Variants in ANKS1B observed in about 807,000 individuals in gnomAD.
ANKS1B encodes the protein ankyrin repeat and sterile alpha motif domain containing 1B.
Under a neutral mutation model 148.3 loss-of-function variants are expected in ANKS1B, and 36 were observed. That is an observed-to-expected ratio of 0.24 (90% CI 0.19 to 0.32). The LOEUF (loss-of-function observed/expected upper bound fraction) is 0.32. ANKS1B is among the 10% of genes least tolerant of loss of function. The pLI is 1.00. For missense variants in ANKS1B, 1,157 were observed against 1,542.6 expected (o/e 0.75, Z 4.19); for synonymous variants, 542 against 560.8 (o/e 0.97, Z 0.47).
intron 12 of ANKS1B, among the ~76,000 whole-genome samples, chr12:99,369,788 A>AGATAGATAGATAGATAGATG (rs770146685): frequency 2.9e-5 from 3 of 103,834 alleles, no homozygotes; most frequent in African/African-American, 1.3e-4. Context: ...ATAGATAGAT[A>AGATAGATAGATAGATAGATG]GATGGACGGA....
At chr12:98,879,090 T>G (rs2099699666) in intron 17 of ANKS1B, among the ~76,000 whole-genome samples, 1 of 152,354 alleles carries the variant, frequency 6.6e-6, no homozygotes, top group Non-Finnish European at 1.5e-5. Context: ...AAGTTCTTGT[T>G]GTTAAACTTA....
chr12:99,767,157 C>T (rs1318048332), intron 8 of ANKS1B, among the ~76,000 whole-genome samples: 1 of 151,536 alleles, frequency 6.6e-6, no homozygotes, highest in Admixed American at 6.6e-5. Flanking sequence ...AAATAAAATA[C>T]CTCACACTTC....
At chr12:99,145,843 G>T (rs557644354) in intron 15 of ANKS1B, among the ~76,000 whole-genome samples, 1 of 152,080 alleles carries the variant, frequency 6.6e-6, no homozygotes, top group African/African-American at 2.4e-5. Context: ...GGCTCTGCTG[G>T]CAATTTTTTT....
In ANKS1B at chr12:98,801,333, G is replaced by T. The variant is rs566857330; in HGVS notation, c.3142-208C>A. On this transcript the variant is annotated intron_variant, in intron 20 of 26. Coordinates refer to ENST00000683438, the MANE Select transcript of ANKS1B (RefSeq NM_001352186.2). The surrounding 1 kb of genome is among the most constrained non-coding windows in gnomAD (Gnocchi z 5.2). ...GAGTTAATTTTTGAGGTGTGGAGTT[G>T]AATTATTCTATTTTTAGAATGACAT... 1.8e-4 allele frequency among the ~76,000 whole-genome samples: 27 copies of T among 152,250 alleles called. 1 individual carries two copies. In the Middle Eastern group the frequency reaches 0.014, roughly 77 times the overall value.
intron 1 of ANKS1B, among the ~76,000 whole-genome samples, chr12:99,923,091 T>C (rs1216257558): frequency 6.6e-6 from 1 of 152,170 alleles, no homozygotes; most frequent in Admixed American, 6.6e-5. Flanking sequence ...CAAAGAAGCA[T>C]GAAACTGCAT....
At chr12:98,989,262 A>G (rs1432791765) in intron 17 of ANKS1B, among the ~76,000 whole-genome samples, 1 of 152,142 alleles carries the variant, frequency 6.6e-6, no homozygotes, top group African/African-American at 2.4e-5. Context: ...TATGGCTTTC[A>G]TCCATTTTGA....
intron 12 of ANKS1B, among the ~76,000 whole-genome samples, chr12:99,288,362 C>G (rs1247919440): frequency 6.6e-6 from 1 of 151,978 alleles, no homozygotes; most frequent in Non-Finnish European, 1.5e-5. Context: ...CCCAGGCAAA[C>G]AAAAGGTGAA....
intron 17 of ANKS1B, among the ~76,000 whole-genome samples, chr12:98,882,417 GGTA>G (rs1416518969): frequency 6.6e-6 from 1 of 152,146 alleles, no homozygotes; most frequent in Non-Finnish European, 1.5e-5. Context: ...TAGTCAGAAA[GGTA>G]TCGCAATGCT....
chr12:98,814,809 T>C (rs575616040), intron 19 of ANKS1B, among the ~76,000 whole-genome samples: 1 of 152,338 alleles, frequency 6.6e-6, no homozygotes, highest in East Asian at 1.9e-4. Flanking sequence ...ACAACTGAGA[T>C]ATTACCAATA....
intron 15 of ANKS1B, among the ~76,000 whole-genome samples, chr12:99,134,874 A>G (rs1234117811): frequency 6.6e-6 from 1 of 152,186 alleles, no homozygotes; most frequent in African/African-American, 2.4e-5. Context: ...AAATTAAAAA[A>G]AAATGCACAC....
intron 17 of ANKS1B, among the ~76,000 whole-genome samples, chr12:98,886,785 A>G (rs1178684084): frequency 6.6e-6 from 1 of 152,238 alleles, no homozygotes; most frequent in Non-Finnish European, 1.5e-5. Context: ...ATGAAGTAAT[A>G]GCTGCAAAAT....
At chr12:99,769,912 C>T (rs1416559617) in intron 8 of ANKS1B, among the ~76,000 whole-genome samples, 1 of 152,206 alleles carries the variant, frequency 6.6e-6, no homozygotes, top group African/African-American at 2.4e-5. Context: ...AATCCTTTCT[C>T]AATCATTTGT....
chr12:99,254,232 T>C (rs557133542), intron 12 of ANKS1B, among the ~76,000 whole-genome samples: 136 of 152,344 alleles, frequency 8.9e-4, no homozygotes, highest in Non-Finnish European at 1.7e-3. Flanking sequence ...TGTGTAAGAA[T>C]GTACTTGCCT....
At chr12:99,920,746 G>A (rs2094326845) in intron 1 of ANKS1B, among the ~76,000 whole-genome samples, 1 of 152,136 alleles carries the variant, frequency 6.6e-6, no homozygotes, top group Non-Finnish European at 1.5e-5. Context: ...GGCGCTCCAT[G>A]TCCAAAGGCA....
At chr12:99,517,333 T>C (rs1055486993) in intron 9 of ANKS1B, among the ~76,000 whole-genome samples, 1 of 151,808 alleles carries the variant, frequency 6.6e-6, no homozygotes, top group African/African-American at 2.4e-5. Flanking sequence ...CATATAGAAA[T>C]GCTACTGATT....
chr12:98,972,970 G>A (rs1036125257), intron 17 of ANKS1B, among the ~76,000 whole-genome samples: 4 of 152,112 alleles, frequency 2.6e-5, no homozygotes, highest in African/African-American at 9.7e-5. Flanking sequence ...TAAAGCTAAT[G>A]CCTGATTACA....
In ANKS1B at chr12:99,649,401, C is replaced by A. The variant is rs370224092; in HGVS notation, c.1272+5666G>T. 72 of 1,599,984 alleles carry A rather than the reference C, an allele frequency of 4.5e-5. No individual in the cohort carries two copies. The East Asian group carries it at 1.6e-3, about 35-fold the overall frequency. On this transcript the variant is annotated intron_variant, in intron 9 of 26. Transcript: ENST00000683438. Reference sequence around the variant, plus strand: ...GTGATTATACAATAGAGATATGAATCCAACATACCTCCCACATATACTACG... The same window carrying A: ...GTGATTATACAATAGAGATATGAATACAACATACCTCCCACATATACTACG...
At chr12:99,367,948 T>C (rs541032946) in intron 12 of ANKS1B, among the ~76,000 whole-genome samples, 6 of 152,144 alleles carry the variant, frequency 3.9e-5, no homozygotes, top group Non-Finnish European at 7.4e-5. Context: ...CCTTATATAA[T>C]TTTACAAATG....
At chr12:99,015,484 C>T (rs908813741) in intron 17 of ANKS1B, among the ~76,000 whole-genome samples, 1 of 152,098 alleles carries the variant, frequency 6.6e-6, no homozygotes, top group East Asian at 1.9e-4. Flanking sequence ...ACCTATGTAA[C>T]AAACTCGCAC....
Sources: gnomAD v4.1 joint callset for allele counts (sites outside exome capture counted in the v4.1 genomes callset) on GRCh38, gnomAD v4.1.1 for gene constraint, Gnocchi (gnomAD v3.1) non-coding constraint, MANE v1.5 for transcripts, NCBI Gene and HGNC (gene_info 2026-07-23, HGNC 2026-07-21) for gene names.